PARVB: variants seen among roughly 807,000 people sequenced by gnomAD.
PARVB encodes parvin beta.
In PARVB, 46 loss-of-function variants were observed where a neutral mutation model predicts 47.0. The ratio of observed to expected loss-of-function variants is 0.98; its 90% CI spans 0.77 to 1.25. The LOEUF is 1.25. Among genes scored for constraint, PARVB ranks in the 50% most tolerant of loss-of-function variants. The probability of loss-of-function intolerance (pLI) is 0.00; values close to 1 mark genes in which losing one functional copy is unlikely to be tolerated. For synonymous variants in PARVB, 196 were observed against 196.3 expected, an observed-to-expected ratio of 1.00 and a Z score of 0.01; for missense variants, 473 against 471.6, an observed-to-expected ratio of 1.00 and a Z score of -0.03.
chr22:44,136,541 C>A, intron 7 of PARVB, 23 bp downstream of exon 7: 1 of 1,606,244 alleles, frequency 6.2e-7, no homozygotes, highest in African/African-American at 1.3e-5. Flanking sequence ...CTGTCTTGCC[C>A]TTCCAGGCCC....
intron 1 of PARVB, among the ~76,000 whole-genome samples, chr22:44,059,836 C>A (rs190256786): frequency 6.6e-6 from 1 of 152,290 alleles, no homozygotes; most frequent in Non-Finnish European, 1.5e-5. Flanking sequence ...TGGTTTTAAA[C>A]AGCACTCGTC....
At chr22:44,085,177 C>T (rs1423550891) in intron 1 of PARVB, among the ~76,000 whole-genome samples, 1 of 152,194 alleles carries the variant, frequency 6.6e-6, no homozygotes, top group Non-Finnish European at 1.5e-5. Context: ...CCATGTTGCC[C>T]AGGCTGGACT....
At chr22:44,002,683 A>G (rs1021484508) in intron 2 of PARVB, among the ~76,000 whole-genome samples, 1 of 152,118 alleles carries the variant, frequency 6.6e-6, no homozygotes, top group African/African-American at 2.4e-5. Flanking sequence ...TCTGCATTAA[A>G]CGTGAGGCCT....
At chr22:44,069,820 C>T (rs1464377097) in intron 1 of PARVB, among the ~76,000 whole-genome samples, 20 of 152,216 alleles carry the variant, frequency 1.3e-4, no homozygotes, top group Admixed American at 8.5e-4. Flanking sequence ...TGAGCCACCG[C>T]GCCCGGCCAT....
At chr22:44,018,919 ATTAT>A (rs1025704582) in intron 2 of PARVB, among the ~76,000 whole-genome samples, 1 of 151,882 alleles carries the variant, frequency 6.6e-6, no homozygotes, top group Non-Finnish European at 1.5e-5. Flanking sequence ...TTTTATTTTT[ATTAT>A]TTATTTATTT....
chr22:44,006,360 T>G (rs1218072570), intron 2 of PARVB, among the ~76,000 whole-genome samples: 1 of 152,240 alleles, frequency 6.6e-6, no homozygotes, highest in Non-Finnish European at 1.5e-5. Context: ...ATGCCGTGTC[T>G]CATGCCTGTA....
At chr22:44,156,779 T>C (rs1347184051) in intron 10 of PARVB, among the ~76,000 whole-genome samples, 1 of 152,126 alleles carries the variant, frequency 6.6e-6, no homozygotes, top group East Asian at 1.9e-4. Flanking sequence ...ACACAAAAGA[T>C]AAATGGATAT....
intron 1 of PARVB, chr22:43,999,525 T>C (rs762420695): frequency 6.4e-7 from 1 of 1,570,470 alleles, no homozygotes; most frequent in Admixed American, 1.7e-5. Flanking sequence ...TGTTCATTCC[T>C]ACCTGCAGCA....
At chr22:44,134,065 C>T (rs924851248) in intron 6 of PARVB, among the ~76,000 whole-genome samples, 80 of 152,066 alleles carry the variant, frequency 5.3e-4, no homozygotes, top group African/African-American at 1.7e-3. Context: ...TCGAGACATC[C>T]GGCTCCACTT....
chr22:44,000,373 T>G (rs1033284657), intron 2 of PARVB, among the ~76,000 whole-genome samples: 3 of 152,220 alleles, frequency 2.0e-5, no homozygotes, highest in African/African-American at 7.2e-5. Flanking sequence ...TGTTCTCATG[T>G]GGGTTCAAAT....
chr22:44,059,683 T>C (rs2051384304), intron 1 of PARVB, among the ~76,000 whole-genome samples: 1 of 152,164 alleles, frequency 6.6e-6, no homozygotes, highest in African/African-American at 2.4e-5. Flanking sequence ...TGGGTGTACA[T>C]TCAGGTGTCA....
chr22:44,167,739 C>G (rs962056680), intron 12 of PARVB, among the ~76,000 whole-genome samples: 1 of 77,640 alleles, frequency 1.3e-5, no homozygotes, highest in Non-Finnish European at 3.0e-5. Flanking sequence ...CGACAGAGCC[C>G]CGGGTGTGTC....
chr22:44,165,581 G>A (rs1248642400), intron 12 of PARVB, among the ~76,000 whole-genome samples: 1 of 152,222 alleles, frequency 6.6e-6, no homozygotes, highest in Non-Finnish European at 1.5e-5. Context: ...GTGCATCCTT[G>A]AACAGGTTAC....
chr22:44,122,576 G>GAGAGAGACACAGAGAC (rs2053090542), intron 4 of PARVB, among the ~76,000 whole-genome samples: 7 of 114,712 alleles, frequency 6.1e-5, no homozygotes, highest in African/African-American at 2.4e-4. Context: ...GAGAGAGAGA[G>GAGAGAGACACAGAGAC]AGAGAGAGAG....
chr22:44,055,552 C>T (rs893334041), intron 1 of PARVB, among the ~76,000 whole-genome samples: 3 of 152,090 alleles, frequency 2.0e-5, no homozygotes, highest in African/African-American at 7.2e-5. Flanking sequence ...CCAGGATGAT[C>T]TCGATCTCCT....
chr22:44,111,631 A>G (rs1018785087), intron 3 of PARVB: 1 of 150,756 alleles, frequency 6.6e-6, no homozygotes, highest in East Asian at 2.0e-4. Context: ...TTTTTTTTGT[A>G]GAGATGGGGT....
chr22:44,070,228 C>T (rs1490082077), intron 1 of PARVB, among the ~76,000 whole-genome samples: 2 of 152,120 alleles, frequency 1.3e-5, no homozygotes, highest in African/African-American at 2.4e-5. Context: ...AAGGTCACAC[C>T]GCAGATCGGA....
In PARVB at chr22:44,125,298, A is replaced by T. The variant is rs1360835493; in HGVS notation, c.376+6158A>T. Among the ~76,000 whole-genome samples the T allele has an allele frequency of 1.1e-5, 1 of 89,760 alleles. No individual in the cohort carries two copies. The highest frequency in any genetic ancestry group is 3.3e-5 in the African/African-American group (1 of 30,512). The allele number at this position is 89,760 out of a possible 152,430, so 58.9% of individuals were successfully genotyped here. Reference sequence around the variant, plus strand: ...GGCTGTAGAGACACAGTGGGAAACAAGAGAGATGAGCCCCGCACCCTGCGC... The same window carrying T: ...GGCTGTAGAGACACAGTGGGAAACATGAGAGATGAGCCCCGCACCCTGCGC... On this transcript the variant is annotated intron_variant, in intron 4 of 12. Coordinates refer to ENST00000338758, the MANE Select transcript of PARVB (RefSeq NM_013327.5). The surrounding 1 kb of genome is among the most constrained non-coding windows in gnomAD (Gnocchi z 4.1).
At chr22:44,115,425 C>T (rs1312287444) in intron 3 of PARVB, 1 of 122,402 alleles carries the variant, frequency 8.2e-6, no homozygotes, top group African/African-American at 3.2e-5. Flanking sequence ...AACTAAGGCC[C>T]TGCACCAACA....
Sources: gnomAD v4.1 joint callset for allele counts (sites outside exome capture counted in the v4.1 genomes callset) on GRCh38, gnomAD v4.1.1 for gene constraint, Gnocchi (gnomAD v3.1) non-coding constraint, MANE v1.5 for transcripts, NCBI Gene and HGNC (gene_info 2026-07-23, HGNC 2026-07-21) for gene names.